The following CPQ variants were observed in gnomAD, a reference collection of about 807,000 sequenced individuals.
The protein encoded by CPQ is Ser-Met dipeptidase.
Under a neutral mutation model 45.7 loss-of-function variants are expected in CPQ, and 37 were observed. The ratio of observed to expected loss-of-function variants is 0.81; its 90% CI spans 0.62 to 1.07. The LOEUF (loss-of-function observed/expected upper bound fraction) is 1.07, where lower values mean the gene tolerates loss of function less well. CPQ is among the 50% of genes least tolerant of loss of function. The pLI is 0.00. For synonymous variants in CPQ, 186 were observed against 205.8 expected, an observed-to-expected ratio of 0.90 and a Z score of 0.82; for missense variants, 537 against 572.9, an observed-to-expected ratio of 0.94 and a Z score of 0.64.
intron 3 of CPQ, among the ~76,000 whole-genome samples, chr8:96,863,802 T>C (rs1387760886): frequency 6.6e-6 from 1 of 151,516 alleles, no homozygotes; most frequent in Non-Finnish European, 1.5e-5. Context: ...TGCTAAGGAG[T>C]TTTATGGAGA....
At chr8:96,987,156 C>T (rs533753053) in intron 5 of CPQ, among the ~76,000 whole-genome samples, 2 of 152,216 alleles carry the variant, frequency 1.3e-5, no homozygotes, top group Non-Finnish European at 2.9e-5. Context: ...TATACTTTCA[C>T]CTCTCCTCAT....
chr8:96,922,822 A>G (rs561378913), intron 4 of CPQ, among the ~76,000 whole-genome samples: 9 of 152,318 alleles, frequency 5.9e-5, no homozygotes, highest in African/African-American at 2.2e-4. Context: ...CACAGGTTAT[A>G]ATATACTTGA....
At chr8:96,694,539 TA>T (rs2130739857) in intron 1 of CPQ, among the ~76,000 whole-genome samples, 1 of 152,284 alleles carries the variant, frequency 6.6e-6, no homozygotes, top group East Asian at 1.9e-4. Context: ...AGACAAGTCT[TA>T]AAACCTTTGA....
At chr8:97,024,272 G>A (rs1809758973) in intron 5 of CPQ, among the ~76,000 whole-genome samples, 2 of 152,016 alleles carry the variant, frequency 1.3e-5, no homozygotes, top group Non-Finnish European at 2.9e-5. Context: ...GAGGAAACGG[G>A]GATGAAGACA....
intron 1 of CPQ, among the ~76,000 whole-genome samples, chr8:96,656,073 T>G (rs1284650698): frequency 6.6e-6 from 1 of 152,160 alleles, no homozygotes; most frequent in Non-Finnish European, 1.5e-5. Flanking sequence ...AGGCTGGTCT[T>G]GAACTCCTGG....
chr8:96,891,115 T>C (rs1036926116), intron 4 of CPQ, among the ~76,000 whole-genome samples: 17 of 152,196 alleles, frequency 1.1e-4, no homozygotes, highest in African/African-American at 3.9e-4. Flanking sequence ...TCCATGAGCA[T>C]GCACACATTG....
chr8:97,088,897 AG>A (rs1485164920), intron 7 of CPQ, among the ~76,000 whole-genome samples: 2 of 152,234 alleles, frequency 1.3e-5, no homozygotes, highest in African/African-American at 2.4e-5. Context: ...GCTCTAAAAT[AG>A]GAAGTCCAAG....
At chr8:96,667,676 C>T (rs560448440) in intron 1 of CPQ, among the ~76,000 whole-genome samples, 23 of 152,122 alleles carry the variant, frequency 1.5e-4, no homozygotes, top group Middle Eastern at 3.4e-3. Flanking sequence ...TGAACCTCTC[C>T]GTCGCCACAC....
At chr8:96,743,410 C>T (rs561680548) in intron 1 of CPQ, among the ~76,000 whole-genome samples, 46 of 152,044 alleles carry the variant, frequency 3.0e-4, no homozygotes, top group African/African-American at 9.9e-4. Context: ...ACTTCTTTGC[C>T]TTTGGTTTGA....
intron 4 of CPQ, among the ~76,000 whole-genome samples, chr8:96,964,109 A>G (rs1230460054): frequency 6.9e-6 from 1 of 145,616 alleles, no homozygotes; most frequent in Non-Finnish European, 1.5e-5. Flanking sequence ...TTTTTTTAGA[A>G]GGGTTAGGCC....
intron 5 of CPQ, among the ~76,000 whole-genome samples, chr8:97,004,271 T>C (rs1352975789): frequency 6.7e-6 from 1 of 149,864 alleles, no homozygotes. Context: ...ATAAATAATT[T>C]GTAAAAAAAA....
chr8:96,888,259 T>A (rs964975410), intron 4 of CPQ, among the ~76,000 whole-genome samples: 1 of 152,174 alleles, frequency 6.6e-6, no homozygotes. Context: ...TGTGGAGTAA[T>A]GGAAGGAAGA....
intron 3 of CPQ, among the ~76,000 whole-genome samples, chr8:96,847,712 G>A (rs1811714349): frequency 6.6e-6 from 1 of 152,022 alleles, no homozygotes; most frequent in Non-Finnish European, 1.5e-5. Flanking sequence ...AATTGCCAAT[G>A]TATAGAATAT....
At chr8:96,766,361 CT>C (rs1810467257) in intron 1 of CPQ, among the ~76,000 whole-genome samples, 1 of 152,146 alleles carries the variant, frequency 6.6e-6, no homozygotes, top group Non-Finnish European at 1.5e-5. Flanking sequence ...TATCTTCCTG[CT>C]TCTAGTTCAT....
At position 97,111,331 on chromosome 8, in the gene CPQ, G is replaced by A. The variant is rs143777793; in HGVS notation, c.1256-31689G>A. ...GAAGGCTTCCCAGCTGCATCATCCT[G>A]TAGTAACTCTTCTCTCCCATGAATT... On this transcript the variant is annotated intron_variant, in intron 7 of 7. Transcript: ENST00000220763. 2.9e-3 allele frequency among the ~76,000 whole-genome samples: 442 copies of A among 152,288 alleles called. 1 individual carries two copies. The highest frequency in any genetic ancestry group is 9.1e-3 in the African/African-American group (379 of 41,566).
chr8:96,782,161 G>C (rs1238109984), intron 1 of CPQ, among the ~76,000 whole-genome samples: 2 of 152,208 alleles, frequency 1.3e-5, no homozygotes, highest in African/African-American at 4.8e-5. Flanking sequence ...GGGACTGTTT[G>C]TGGCAGCTCT....
chr8:96,654,596 A>G (rs1470372023), intron 1 of CPQ, among the ~76,000 whole-genome samples: 1 of 152,116 alleles, frequency 6.6e-6, no homozygotes, highest in Non-Finnish European at 1.5e-5. Flanking sequence ...GGACACTTGG[A>G]TGTCTTTGAT....
intron 4 of CPQ, among the ~76,000 whole-genome samples, chr8:96,917,070 T>G (rs992757769): frequency 1.3e-5 from 2 of 151,988 alleles, no homozygotes; most frequent in Non-Finnish European, 2.9e-5. Flanking sequence ...TGGAAGGAAA[T>G]CACTACACTG....
At chr8:97,126,960 C>T (rs1811857868) in intron 7 of CPQ, among the ~76,000 whole-genome samples, 1 of 152,022 alleles carries the variant, frequency 6.6e-6, no homozygotes, top group Non-Finnish European at 1.5e-5. Flanking sequence ...AACAGATATC[C>T]TTAAGGGGAA....
Sources: gnomAD v4.1 joint callset for allele counts (sites outside exome capture counted in the v4.1 genomes callset) on GRCh38, gnomAD v4.1.1 for gene constraint, MANE v1.5 for transcripts, NCBI Gene and HGNC (gene_info 2026-07-23, HGNC 2026-07-21) for gene names.